SPTAN1: variants seen among roughly 807,000 people sequenced by gnomAD.
SPTAN1 encodes the protein spectrin alpha chain, non-erythrocytic 1.
SPTAN1 carries 61 observed loss-of-function variants against 331.3 expected under a neutral mutation model. That is an observed-to-expected ratio of 0.18 (90% CI 0.15 to 0.23). The LOEUF is 0.23. Among genes scored for constraint, SPTAN1 ranks in the 10% least tolerant of loss-of-function variants. The probability of loss-of-function intolerance (pLI) is 1.00; values close to 1 mark genes in which losing one functional copy is unlikely to be tolerated. For missense variants in SPTAN1, 2,043 were observed against 3,147.9 expected (o/e 0.65, Z 8.40); for synonymous variants, 1,153 against 1,173.9 (o/e 0.98, Z 0.36).
intron 3 of SPTAN1, among the ~76,000 whole-genome samples, chr9:128,570,005 C>A (rs1052736553): frequency 6.6e-6 from 1 of 152,038 alleles, no homozygotes. Context: ...ACATTTAACC[C>A]ATTTGGGCAA....
chr9:128,580,393 C>T (rs7019666), intron 10 of SPTAN1, among the ~76,000 whole-genome samples: 1 of 151,266 alleles, frequency 6.6e-6, no homozygotes, highest in African/African-American at 2.4e-5. Context: ...GAAGTATCTT[C>T]GAGTATAAAA....
chr9:128,570,304 T>TTA (rs748964931), intron 3 of SPTAN1, among the ~76,000 whole-genome samples: 63 of 111,760 alleles, frequency 5.6e-4, no homozygotes, highest in African/African-American at 1.9e-3. Context: ...TTTAGACAGC[T>TTA]TATATATATA....
rs1856347429 is a variant in SPTAN1, at chr9:128,609,632, T to A, written c.4759-19T>A. ...ACATCAGTGTACTGAACTCTTGTTC[T>A]TTTAATCTGTTTTTGTAGCTTTCCA... On this transcript the variant is annotated intron_variant, in intron 36 of 56. Transcript: ENST00000372739. 1 of 1,523,626 alleles carries A rather than the reference T, an allele frequency of 6.6e-7. No individual in the cohort carries two copies. Among genetic ancestry groups the A allele is most frequent in the African/African-American group, 1.4e-5 (1 of 71,688 alleles). The allele number at this position is 1,523,626 out of a possible 1,614,324, so 94.4% of individuals were successfully genotyped here. A position where few individuals can be genotyped will look rare whatever the true frequency, so the allele number is the denominator to read the frequency against.
intron 36 of SPTAN1, 73 bp from the exon 37 acceptor site, chr9:128,609,573 ATGAGT>A (rs1255121002): frequency 4.8e-6 from 6 of 1,248,196 alleles, no homozygotes; most frequent in Admixed American, 2.6e-5. Context: ...GTATGACAAA[ATGAGT>A]TTCTATTTAA....
intron 45 of SPTAN1, among the ~76,000 whole-genome samples, chr9:128,623,639 TTTTTTGTA>T (rs1218031421): frequency 6.7e-6 from 1 of 148,786 alleles, no homozygotes; most frequent in Non-Finnish European, 1.5e-5. Context: ...TTTTTTTTTT[TTTTTTGTA>T]TTTTTTAGAA....
At chr9:128,626,731 C>T in intron 49 of SPTAN1, 44 bp downstream of exon 49, 1 of 1,554,476 alleles carries the variant, frequency 6.4e-7, no homozygotes, top group Non-Finnish European at 8.7e-7. Context: ...CCTCCCAGAG[C>T]CCTCTCTGGG....
rs75924412 is a variant in SPTAN1, at chr9:128,603,230, A to T, written c.3580-313A>T. Among the ~76,000 whole-genome samples the T allele has an allele frequency of 5.3e-5, 8 of 152,268 alleles. No individual in the cohort carries two copies. The East Asian group carries it at 1.5e-3, about 29-fold the overall frequency. ...TGTTCTCCTGTAGTATAGACAAGAA[A>T]ATGACACTAATCATTAGTCTTTTAG... On this transcript the variant is annotated intron_variant, in intron 27 of 56. Transcript: ENST00000372739.
intron 1 of SPTAN1, among the ~76,000 whole-genome samples, chr9:128,562,990 G>GTATATATATATA (rs1379685400): frequency 5.0e-3 from 9 of 1,790 alleles, no homozygotes; most frequent in African/African-American, 6.2e-3. Flanking sequence ...ATACATGTAT[G>GTATATATATATA]TGTATATATA....
rs1300178492 is a variant in SPTAN1, at chr9:128,633,337, C to T, written c.*3C>T. 6.2e-7 allele frequency: 1 copy of T among 1,613,808 alleles called. No homozygotes were observed. Among genetic ancestry groups the T allele is most frequent in the East Asian group, 2.2e-5 (1 of 44,882 alleles). ...CCCGCTCGCTTTTCGTGAACTGAGC[C>T]ACTCCCTGGGTCACCCACCCCTCGC... On this transcript the variant is annotated 3_prime_UTR_variant, in exon 57 of 57. Coordinates refer to ENST00000372739, the MANE Select transcript of SPTAN1 (RefSeq NM_001130438.3).
rs1856109615 is a variant in SPTAN1 at position 128,607,992 on chromosome 9, C to T, written c.4287C>T (p.Asp1429=). ...ATATTCTTGACCAGGAGCGTGCAGA[C>T]CTGGAGAAGGCCTGGGTTCAGCGCA... ...KLDILDQERA[D]LEKAWVQRRM... Residue 1429 remains aspartate, a synonymous_variant, in exon 33 of 57, where the codon GAC becomes GAT. Transcript: ENST00000372739. The T allele has an allele frequency of 1.2e-6, 2 of 1,613,984 alleles. No individual in the cohort carries two copies. Among genetic ancestry groups the T allele is most frequent in the Non-Finnish European group, 1.7e-6 (2 of 1,180,036 alleles).
Position 128,585,746 on chromosome 9 carries a change from A to G in SPTAN1, c.2561-2A>G. On this transcript the variant is annotated splice_acceptor_variant, in intron 18 of 56. Coordinates refer to ENST00000372739, the MANE Select transcript of SPTAN1 (RefSeq NM_001130438.3). LOFTEE classifies it high-confidence loss of function. ...TATCCTCTTTCCCTACCCATCTTCC[A>G]GGCCATTTTGCTGCAGAGGATGTGA... 1.9e-6 allele frequency: 3 copies of G among 1,613,858 alleles called. No individual in the cohort carries two copies. Among genetic ancestry groups the G allele is most frequent in the Non-Finnish European group, 2.5e-6 (3 of 1,179,802 alleles).
intron 1 of SPTAN1, among the ~76,000 whole-genome samples, chr9:128,557,270 A>C (rs1589112505): frequency 6.6e-6 from 1 of 152,214 alleles, no homozygotes; most frequent in South Asian, 2.1e-4. Context: ...CATCCAGTGC[A>C]TTCAACTTGC....
In SPTAN1 at chr9:128,627,139, C is replaced by A; in HGVS notation, c.6577-247C>A. On this transcript the variant is annotated intron_variant, in intron 49 of 56. Transcript: ENST00000372739. This position sits in a 1 kb window ranked among gnomAD's most constrained non-coding sequence, Gnocchi z 4.9. The stretch of plus-strand genomic sequence containing the variant: ...GAAGTTTCCATTTCTGACAGTCCAG[C>A]AACTCCCTGCTTGACTGACCAGTCG... The A allele has an allele frequency of 1.6e-6, 1 of 615,970 alleles. No individual in the cohort carries two copies. The allele number at this position is 615,970 out of a possible 1,614,324, so 38.2% of individuals were successfully genotyped here. A position where few individuals can be genotyped will look rare whatever the true frequency, so the allele number is the denominator to read the frequency against.
intron 37 of SPTAN1, 166 bp from the exon 38 acceptor site, chr9:128,611,548 C>T: frequency 3.9e-6 from 3 of 775,406 alleles, no homozygotes; most frequent in Non-Finnish European, 6.5e-6. Flanking sequence ...AAGAGATGAA[C>T]CCTAAAATAT....
chr9:128,608,356 A>G, intron 34 of SPTAN1, 80 bp downstream of exon 34: 15 of 1,568,910 alleles, frequency 9.6e-6, no homozygotes, highest in Non-Finnish European at 1.1e-5. Flanking sequence ...AGTCACTGTT[A>G]TATCTCCAAG....
In SPTAN1 at chr9:128,594,991, G is replaced by A. The variant is rs1443976003; in HGVS notation, c.3414+618G>A. Among the ~76,000 whole-genome samples, 3 of 151,282 alleles carry A rather than the reference G, an allele frequency of 2.0e-5. No individual in the cohort carries two copies. The East Asian group carries it at 5.8e-4, about 29-fold the overall frequency. On this transcript the variant is annotated intron_variant, in intron 24 of 56. Coordinates refer to ENST00000372739, the MANE Select transcript of SPTAN1 (RefSeq NM_001130438.3). ...CGCCTGGCTAGTTTTTGTATTTTTA[G>A]TAGAGATGAGGTTTCACCATATTGG...
intron 24 of SPTAN1, among the ~76,000 whole-genome samples, chr9:128,596,881 C>T (rs1029027669): frequency 2.6e-5 from 4 of 152,022 alleles, no homozygotes; most frequent in Admixed American, 6.6e-5. Flanking sequence ...TTTTTCTGGC[C>T]GGGCCCAGTG....
intron 1 of SPTAN1, 59 bp from the exon 2 acceptor site, chr9:128,566,679 T>C: frequency 1.2e-6 from 2 of 1,612,386 alleles, no homozygotes; most frequent in African/African-American, 1.3e-5. Flanking sequence ...AGAGGCTAAT[T>C]ACTTTTCATC....
chr9:128,618,482 G>C (rs901776734), intron 43 of SPTAN1, among the ~76,000 whole-genome samples: 1 of 151,524 alleles, frequency 6.6e-6, no homozygotes, highest in Non-Finnish European at 1.5e-5. Flanking sequence ...CCTTTTTTGT[G>C]AATGTTTTTG....
Sources: allele counts gnomAD v4.1 joint callset (sites outside exome capture counted in the v4.1 genomes callset), GRCh38; gene constraint gnomAD v4.1.1; non-coding constraint Gnocchi (gnomAD v3.1); transcripts MANE v1.5; gene names NCBI Gene and HGNC (gene_info 2026-07-23, HGNC 2026-07-21).